CLEC2B: variants seen among roughly 807,000 people sequenced by gnomAD.
CLEC2B encodes the protein C-type (calcium dependent, carbohydrate-recognition domain) lectin, superfamily member 2 (activation-induced).
In CLEC2B, 14 loss-of-function variants were observed where a neutral mutation model predicts 16.2. The ratio of observed to expected loss-of-function variants is 0.86; its 90% CI spans 0.57 to 1.35. The LOEUF is 1.35. CLEC2B is among the 40% of genes most tolerant of loss of function. The pLI is 0.00. For synonymous variants in CLEC2B, 42 were observed against 55.8 expected (o/e 0.75, Z 1.10); for missense variants, 166 against 182.3 (o/e 0.91, Z 0.52).
At chr12:9,855,520 G>A (rs1867889083) in intron 3 of CLEC2B, among the ~76,000 whole-genome samples, 1 of 151,836 alleles carries the variant, frequency 6.6e-6, no homozygotes, top group South Asian at 2.1e-4. Context: ...TGGAATTTAC[G>A]GAAAAAAATA....
At chr12:9,862,094 G>A (rs253149) in intron 2 of CLEC2B, among the ~76,000 whole-genome samples, 95,657 of 151,828 alleles carry the variant, frequency 0.63, 30,983 homozygotes, top group African/African-American at 0.79. Flanking sequence ...GAATAAAAGG[G>A]AAAAGATACA....
At chr12:9,855,946 T>G (rs1382593411) in intron 3 of CLEC2B, among the ~76,000 whole-genome samples, 1 of 152,140 alleles carries the variant, frequency 6.6e-6, no homozygotes, top group Non-Finnish European at 1.5e-5. Flanking sequence ...TTTACTTCAT[T>G]CTGTTTGTCA....
intron 1 of CLEC2B, among the ~76,000 whole-genome samples, chr12:9,865,743 C>T (rs976985011): frequency 6.6e-6 from 1 of 152,068 alleles, no homozygotes; most frequent in African/African-American, 2.4e-5. Flanking sequence ...CCAGAACAGA[C>T]CACATTGTAG....
intron 1 of CLEC2B, among the ~76,000 whole-genome samples, chr12:9,864,235 A>T (rs543534783): frequency 6.6e-5 from 10 of 152,210 alleles, no homozygotes; most frequent in Non-Finnish European, 1.2e-4. Flanking sequence ...TGAAGAAGAG[A>T]CAATGTTTCC....
chr12:9,853,439 C>A, intron 4 of CLEC2B, 31 bp from the exon 5 acceptor site: 2 of 1,563,482 alleles, frequency 1.3e-6, no homozygotes, highest in South Asian at 2.2e-5. Flanking sequence ...ATTATGTAGT[C>A]ATGTGATTTC....
At chr12:9,863,363 C>T (rs1344549566) in intron 1 of CLEC2B, among the ~76,000 whole-genome samples, 1 of 152,082 alleles carries the variant, frequency 6.6e-6, no homozygotes, top group Non-Finnish European at 1.5e-5. Flanking sequence ...CAAAACAAGC[C>T]ATATAAAATC....
At chr12:9,856,343 T>C (rs1867894089) in intron 3 of CLEC2B, among the ~76,000 whole-genome samples, 1 of 152,078 alleles carries the variant, frequency 6.6e-6, no homozygotes, top group African/African-American at 2.4e-5. Flanking sequence ...GAATGTTCAT[T>C]TTCAAAAGTC....
intron 1 of CLEC2B, among the ~76,000 whole-genome samples, chr12:9,866,045 A>G (rs1415626348): frequency 6.6e-6 from 1 of 152,130 alleles, no homozygotes; most frequent in Admixed American, 6.5e-5. Context: ...CTTTAAAAAA[A>G]GGTAAAAAGA....
intron 2 of CLEC2B, among the ~76,000 whole-genome samples, chr12:9,860,680 TA>T (rs1021455933): frequency 6.6e-6 from 1 of 151,850 alleles, no homozygotes; most frequent in African/African-American, 2.4e-5. Flanking sequence ...ATAAAACTTT[TA>T]AAACATTTAA....
intron 1 of CLEC2B, among the ~76,000 whole-genome samples, chr12:9,868,263 T>C (rs1242089409): frequency 6.6e-6 from 1 of 151,900 alleles, no homozygotes; most frequent in Non-Finnish European, 1.5e-5. Flanking sequence ...GAAGGCCTTC[T>C]TAAAACTTTT....
At chr12:9,861,057 T>A (rs1565515689) in intron 2 of CLEC2B, among the ~76,000 whole-genome samples, 1 of 151,984 alleles carries the variant, frequency 6.6e-6, no homozygotes, top group African/African-American at 2.4e-5. Flanking sequence ...ATGAAAAATA[T>A]AGTGACAATA....
intron 3 of CLEC2B, among the ~76,000 whole-genome samples, chr12:9,855,185 C>T (rs1389919641): frequency 6.6e-6 from 1 of 152,056 alleles, no homozygotes; most frequent in Non-Finnish European, 1.5e-5. Context: ...TATATTCACA[C>T]TGTATCACTC....
In CLEC2B at chr12:9,853,418, A is replaced by G. The variant is rs1483277012; in HGVS notation, c.342-10T>C. ...CCCTCTCATGCCAAACCTGCAACAA[A>G]GGGATTAACCATTATGTAGTCATGT... On this transcript the variant is annotated splice_polypyrimidine_tract_variant and intron_variant, in intron 4 of 4. Transcript: ENST00000228438. The G allele has an allele frequency of 2.5e-6, 4 of 1,604,216 alleles. No individual in the cohort carries two copies. Among genetic ancestry groups the G allele is most frequent in the East Asian group, 4.5e-5 (2 of 44,842 alleles).
At chr12:9,854,608 A>G in intron 3 of CLEC2B, 124 bp from the exon 4 acceptor site, 1 of 610,408 alleles carries the variant, frequency 1.6e-6, no homozygotes, top group Non-Finnish European at 2.9e-6. Context: ...GCCTCACTAG[A>G]AAATAGCTAT....
chr12:9,865,315 CAAAGA>C (rs1340055113), intron 1 of CLEC2B, among the ~76,000 whole-genome samples: 2 of 150,974 alleles, frequency 1.3e-5, no homozygotes, highest in African/African-American at 4.9e-5. Context: ...AGGGGATGAA[CAAAGA>C]TATTCCATGC....
intron 1 of CLEC2B, among the ~76,000 whole-genome samples, chr12:9,868,373 C>A (rs11053489): frequency 0.2 from 30,290 of 151,712 alleles, 3,336 homozygotes; most frequent in South Asian, 0.4. Flanking sequence ...GGTTAAAATA[C>A]GGGAGGAAGG....
intron 1 of CLEC2B, among the ~76,000 whole-genome samples, 188 bp from the exon 2 acceptor site, chr12:9,862,761 C>T (rs1867942149): frequency 6.6e-6 from 1 of 152,038 alleles, no homozygotes; most frequent in Admixed American, 6.6e-5. Flanking sequence ...AAGTGAAAAA[C>T]CAACAAAAAA....
chr12:9,853,827 G>C (rs1565514314), intron 4 of CLEC2B, among the ~76,000 whole-genome samples: 1 of 152,092 alleles, frequency 6.6e-6, no homozygotes, highest in Non-Finnish European at 1.5e-5. Context: ...CCACGACAGA[G>C]AGGTATTCAG....
In CLEC2B at chr12:9,852,995, G is replaced by T; in HGVS notation, c.*305C>A. 4.0e-6 allele frequency: 1 copy of T among 253,110 alleles called. No individual in the cohort carries two copies. Among genetic ancestry groups the T allele is most frequent in the Non-Finnish European group, 7.7e-6 (1 of 129,460 alleles). 15.7% of individuals were successfully genotyped at this position (253,110 alleles called of 1,614,324 possible). Reference sequence around the variant, plus strand: ...AATTGTTCCATATTGGGTCATGAAAGTCCTGTCTAAGTGCTATGTCTGTCC... The same window carrying T: ...AATTGTTCCATATTGGGTCATGAAATTCCTGTCTAAGTGCTATGTCTGTCC... On this transcript the variant is annotated 3_prime_UTR_variant, in exon 5 of 5. Coordinates refer to ENST00000228438, the MANE Select transcript of CLEC2B (RefSeq NM_005127.3).
Sources: gnomAD v4.1 joint callset for allele counts (sites outside exome capture counted in the v4.1 genomes callset) on GRCh38, gnomAD v4.1.1 for gene constraint, MANE v1.5 for transcripts, NCBI Gene and HGNC (gene_info 2026-07-23, HGNC 2026-07-21) for gene names.